The following HCK variants were observed in gnomAD, a reference collection of about 807,000 sequenced individuals.
HCK encodes tyrosine-protein kinase HCK.
A neutral mutation model predicts 70.4 loss-of-function variants in HCK; 40 were observed. The ratio of observed to expected loss-of-function variants is 0.57; its 90% confidence interval spans 0.44 to 0.74. The LOEUF is 0.74. Ranked by LOEUF, HCK falls within the 30% of genes least tolerant of loss-of-function variation. HCK has a pLI of 0.00. For synonymous variants in HCK, 245 were observed against 263.2 expected (o/e 0.93, Z 0.67); for missense variants, 568 against 697.2 (o/e 0.81, Z 2.09).
intron 9 of HCK, among the ~76,000 whole-genome samples, 168 bp from the exon 10 acceptor site, chr20:32,088,400 A>G (rs978720112): frequency 2.6e-5 from 4 of 152,308 alleles, no homozygotes; most frequent in African/African-American, 4.8e-5. Context: ...CTAAAACTCA[A>G]TTCTCTTTCT....
At chr20:32,094,067 G>A (rs757062375) in intron 11 of HCK, 51 bp downstream of exon 11, 1 of 1,557,336 alleles carries the variant, frequency 6.4e-7, no homozygotes, top group Non-Finnish European at 8.8e-7. Context: ...ATGCTTGTGA[G>A]TGTTGAGAGT....
chr20:32,052,591 G>A (rs1376227397), intron 1 of HCK, 105 bp downstream of exon 1: 10 of 813,192 alleles, frequency 1.2e-5, no homozygotes, highest in Non-Finnish European at 1.7e-5. Flanking sequence ...GTGCGGCTGG[G>A]GGCAGCGAGG....
At chr20:32,076,096 G>A (rs561356700) in intron 5 of HCK, among the ~76,000 whole-genome samples, 2 of 152,124 alleles carry the variant, frequency 1.3e-5, no homozygotes, top group East Asian at 3.9e-4. Flanking sequence ...GCCAAGGCAC[G>A]CAGATCACCT....
rs560794810 is a variant in HCK at position 32,079,754 on chromosome 20, T to A, written c.429-20T>A. 1 of 1,580,034 alleles carries A rather than the reference T, an allele frequency of 6.3e-7. No homozygotes were observed. Among genetic ancestry groups the A allele is most frequent in the African/African-American group, 1.3e-5 (1 of 74,398 alleles). The stretch of plus-strand genomic sequence containing the variant: ...CTGCATGACCCCAGGTTCACATTTG[T>A]CCCCTCCCTTTTCCATCAGGTGGTT... On this transcript the variant is annotated intron_variant, in intron 5 of 12. Coordinates refer to ENST00000375852, the MANE Select transcript of HCK (RefSeq NM_002110.5).
intron 8 of HCK, among the ~76,000 whole-genome samples, chr20:32,085,260 C>T (rs960193925): frequency 6.6e-5 from 10 of 152,228 alleles, no homozygotes; most frequent in Admixed American, 5.9e-4. Context: ...CGCCTGTAAT[C>T]CCAGCACTTT....
chr20:32,101,362 G>T lies in HCK; in HGVS notation c.1424G>T (p.Arg475Leu), dbSNP rs749578325. The change falls in exon 13 of 13, where the codon CGG becomes CTG. Residue 475 changes from arginine (R) to leucine (L), a missense_variant. Physicochemically the swap from Arg to Leu is moderately radical, Grantham distance 102. Transcript: ENST00000375852. ...ATCCGAGCTCTGGAGCGTGGATACCGGATGCCTCGCCCAGAGAACTGCCCA... is the reference window on the plus strand; with the variant it reads ...ATCCGAGCTCTGGAGCGTGGATACCTGATGCCTCGCCCAGAGAACTGCCCA... 1.2e-6 allele frequency: 2 copies of T among 1,614,210 alleles called. No individual in the cohort carries two copies. The highest frequency in any genetic ancestry group is 1.7e-6 in the Non-Finnish European group (2 of 1,180,040).
intron 10 of HCK, among the ~76,000 whole-genome samples, chr20:32,092,949 T>C (rs1008962707): frequency 1.5e-5 from 2 of 137,846 alleles, no homozygotes; most frequent in African/African-American, 7.1e-5. Flanking sequence ...TTGTTTTATC[T>C]TTTTTTTCTT....
chr20:32,094,134 C>T (rs2045902442), intron 11 of HCK, 118 bp downstream of exon 11: 2 of 907,042 alleles, frequency 2.2e-6, no homozygotes. Context: ...ACTAGCTGTG[C>T]ATTCTTGAGC....
In HCK at chr20:32,071,792, G is replaced by A; in HGVS notation, c.183+10G>A. On this transcript the variant is annotated intron_variant, in intron 2 of 12. Coordinates refer to ENST00000375852, the MANE Select transcript of HCK (RefSeq NM_002110.5). ...ATCCACCATCAAGCCGGTGAGTAGGGGAGGTCCCAGTTTCCCTGGGGGCTG... is the reference window on the plus strand; with the variant it reads ...ATCCACCATCAAGCCGGTGAGTAGGAGAGGTCCCAGTTTCCCTGGGGGCTG... 1.2e-6 allele frequency: 2 copies of A among 1,612,262 alleles called. No homozygotes were observed. The highest frequency in any genetic ancestry group is 1.7e-6 in the Non-Finnish European group (2 of 1,179,070).
chr20:32,062,537 A>C (rs1440117654), intron 1 of HCK, among the ~76,000 whole-genome samples: 1 of 152,198 alleles, frequency 6.6e-6, no homozygotes, highest in Non-Finnish European at 1.5e-5. Context: ...CAAAGCCCTG[A>C]GTTCTCCTTT....
At chr20:32,096,705 T>C (rs2045961392) in intron 11 of HCK, among the ~76,000 whole-genome samples, 1 of 152,046 alleles carries the variant, frequency 6.6e-6, no homozygotes, top group Non-Finnish European at 1.5e-5. Context: ...TCTCACTGTG[T>C]TGCCCAGGCT....
rs373209595 is a variant in HCK at position 32,073,763 on chromosome 20, A to G, written c.274A>G (p.Ile92Val). Residue 92 changes from isoleucine (I) to valine (V), a missense_variant, in exon 4 of 13, where the codon ATT (isoleucine) becomes GTT (valine). By Grantham distance (29) the Ile-to-Val change is conservative. This residue lies in a region of HCK where 318 missense variants were observed against 336.0 expected (regional missense o/e 0.95). Transcript: ENST00000375852. ...GGTTGCCCTGTATGATTACGAGGCC[A>G]TTCACCACGAAGACCTCAGCTTCCA... is the stretch of plus-strand genomic sequence containing the variant. 1.2e-5 allele frequency: 18 copies of G among 1,557,180 alleles called. No individual in the cohort carries two copies. In the Admixed American group the frequency reaches 1.5e-4, roughly 13 times the overall value.
intron 1 of HCK, among the ~76,000 whole-genome samples, chr20:32,052,734 G>A (rs1294410593): frequency 6.6e-6 from 1 of 150,680 alleles, no homozygotes; most frequent in Non-Finnish European, 1.5e-5. Context: ...TCGGGCCCGT[G>A]CAGTGACTTT....
At chr20:32,078,104 G>A (rs1044731170) in intron 5 of HCK, among the ~76,000 whole-genome samples, 15 of 151,380 alleles carry the variant, frequency 9.9e-5, no homozygotes, top group African/African-American at 3.7e-4. Context: ...GCGTGATCTC[G>A]GCTCACTGCA....
In HCK at chr20:32,073,325, A is replaced by G. The variant is rs765493289; in HGVS notation, c.190A>G (p.Asn64Asp). 4.3e-6 allele frequency: 7 copies of G among 1,611,644 alleles called. No individual in the cohort carries two copies. The East Asian group carries it at 1.6e-4, about 36-fold the overall frequency. Reference sequence around the variant, plus strand: ...TCTCATTTCTTCCCCACAGGGGCCTAATAGCCACAACAGCAACACACCAGG... The same window carrying G: ...TCTCATTTCTTCCCCACAGGGGCCTGATAGCCACAACAGCAACACACCAGG... Residue 64 changes from asparagine to aspartate, a missense_variant, in exon 3 of 13, where the codon AAT (asparagine) becomes GAT (aspartate). Asn to Asp is a conservative substitution (Grantham distance 23, BLOSUM62 1). This residue lies in a region of HCK where 318 missense variants were observed against 336.0 expected (regional missense o/e 0.95). Coordinates refer to ENST00000375852, the MANE Select transcript of HCK (RefSeq NM_002110.5).
intron 1 of HCK, among the ~76,000 whole-genome samples, chr20:32,069,154 T>C (rs2045502459): frequency 6.6e-6 from 1 of 152,220 alleles, no homozygotes. Flanking sequence ...TACTGCATGC[T>C]GGGCACTTTT....
chr20:32,066,809 C>T (rs1368237807), intron 1 of HCK, among the ~76,000 whole-genome samples: 1 of 152,134 alleles, frequency 6.6e-6, no homozygotes, highest in Admixed American at 6.5e-5. Flanking sequence ...GCAGTCCCAC[C>T]CTGGGCTTCT....
At chr20:32,094,705 A>AAAG (rs1229852866) in intron 11 of HCK, among the ~76,000 whole-genome samples, 6,469 of 73,516 alleles carry the variant, frequency 0.088, 456 homozygotes, top group African/African-American at 0.17. Flanking sequence ...AAAAGAAAAG[A>AAAG]AAAGAAAGAA....
intron 6 of HCK, among the ~76,000 whole-genome samples, chr20:32,082,957 C>T (rs2045728198): frequency 6.6e-6 from 1 of 152,150 alleles, no homozygotes; most frequent in African/African-American, 2.4e-5. Context: ...TGGCTTAAAA[C>T]AACACCCGTC....
Sources: gnomAD v4.1 joint callset for allele counts (sites outside exome capture counted in the v4.1 genomes callset) on GRCh38, gnomAD v4.1.1 for gene constraint, gnomAD v4.1.1 regional missense constraint, MANE v1.5 for transcripts, NCBI Gene and HGNC (gene_info 2026-07-23, HGNC 2026-07-21) for gene names.